Variants in MEGF8 observed in about 807,000 individuals in gnomAD.
MEGF8 encodes the protein multiple epidermal growth factor-like domains protein 8.
MEGF8 carries 156 observed loss-of-function variants against 302.9 expected under a neutral mutation model. That is an observed-to-expected ratio of 0.52 (90% CI 0.45 to 0.59). The LOEUF (loss-of-function observed/expected upper bound fraction) is 0.59, where lower values mean the gene tolerates loss of function less well. Ranked by LOEUF, MEGF8 falls within the 20% of genes least tolerant of loss-of-function variation. The probability of loss-of-function intolerance (pLI) is 0.00; values close to 1 mark genes in which losing one functional copy is unlikely to be tolerated. For synonymous variants in MEGF8, 1,621 were observed against 1,660.5 expected, an observed-to-expected ratio of 0.98 and a Z score of 0.58; for missense variants, 3,345 against 3,964.5, an observed-to-expected ratio of 0.84 and a Z score of 4.20.
chr19:42,335,702 AT>A (rs1483046141), intron 5 of MEGF8, among the ~76,000 whole-genome samples: 1 of 151,580 alleles, frequency 6.6e-6, no homozygotes, highest in Non-Finnish European at 1.5e-5. Context: ...TCTCTCTGCC[AT>A]TTGTCCCTTT....
At position 42,362,390 on chromosome 19, in the gene MEGF8, A is replaced by C. The variant is rs1600065582; in HGVS notation, c.5851A>C (p.Thr1951Pro). 1.2e-6 allele frequency: 2 copies of C among 1,613,536 alleles called. No individual in the cohort carries two copies. The highest frequency in any genetic ancestry group is 1.7e-6 in the Non-Finnish European group (2 of 1,179,806). ...TLQPGDGEASTPRCKWCTNCP... is the reference protein window; with the variant it reads ...TLQPGDGEASPPRCKWCTNCP... Reference sequence around the variant, plus strand: ...GCCTGTCTTCCCTCACCAGGCGTCCACCCCCCGCTGTAAGTGGTGTACCAA... The same window carrying C: ...GCCTGTCTTCCCTCACCAGGCGTCCCCCCCCCGCTGTAAGTGGTGTACCAA... Residue 1951 changes from threonine (T) to proline (P), a missense_variant, in exon 34 of 42, where the codon ACC becomes CCC. Transcript: ENST00000251268.
rs190463769 is a variant in MEGF8, at chr19:42,371,071, C to T, written c.7136+240C>T. Among the ~76,000 whole-genome samples, 337 of 152,090 alleles carry T rather than the reference C, an allele frequency of 2.2e-3. 1 individual carries two copies. Among genetic ancestry groups the T allele is most frequent in the Non-Finnish European group, 3.5e-3 (235 of 67,944 alleles). On this transcript the variant is annotated intron_variant, in intron 40 of 41. Transcript: ENST00000251268. ...AGTGCAGTCCACAGAGCGGCCCCATCGAGAACAAGATGGGGCGGCTGAGGG... is the reference window on the plus strand; with the variant it reads ...AGTGCAGTCCACAGAGCGGCCCCATTGAGAACAAGATGGGGCGGCTGAGGG...
intron 1 of MEGF8, among the ~76,000 whole-genome samples, chr19:42,327,850 T>G (rs1203477551): frequency 6.6e-6 from 1 of 152,190 alleles, no homozygotes; most frequent in Non-Finnish European, 1.5e-5. Flanking sequence ...ATCCCAGCAC[T>G]TTGGGAGGCC....
chr19:42,348,345 G>A lies in MEGF8; in HGVS notation c.2171G>A (p.Gly724Asp). Residue 724 changes from glycine (G) to aspartate (D), a missense_variant, in exon 13 of 42, where the codon GGC becomes GAC. Coordinates refer to ENST00000251268, the MANE Select transcript of MEGF8 (RefSeq NM_001271938.2). ...ACAGATGTGTCCCTGGTCTACCGTG[G>A]CTTCATCTACCCAATGCTGCCTGGA... ...AETDVSLVYRGFIYPMLPGGP... is the reference protein window; with the variant it reads ...AETDVSLVYRDFIYPMLPGGP... 1 of 1,537,492 alleles carries A rather than the reference G, an allele frequency of 6.5e-7. No homozygotes were observed. Among genetic ancestry groups the A allele is most frequent in the Non-Finnish European group, 8.7e-7 (1 of 1,146,960 alleles).
chr19:42,326,339 G>A lies in MEGF8; in HGVS notation c.96G>A (p.Gly32=). The A allele has an allele frequency of 6.3e-7, 1 of 1,582,444 alleles. No individual in the cohort carries two copies. The highest frequency in any genetic ancestry group is 8.6e-7 in the Non-Finnish European group (1 of 1,168,256). ...GGGCCCGGGCGGGGGACTGCAAGGG[G>A]CAGCGGCAGGTGCTGCGGGAGGCGC... The part of the protein sequence containing the change: ...SPGARAGDCK[G]QRQVLREAPG... The change falls in exon 1 of 42, where the codon GGG becomes GGA. Residue 32 remains glycine (G), a synonymous_variant. Coordinates refer to ENST00000251268, the MANE Select transcript of MEGF8 (RefSeq NM_001271938.2).
Position 42,336,111 on chromosome 19 carries a change from C to CA in MEGF8, c.1010dup (p.His337GlnfsTer8). ...CTCGGGGCCCCCAGGCCTGGCAGGT[C>CA]ACGCGGCTGCCCTGGTGGATGATGT... is the stretch of plus-strand genomic sequence containing the variant. On this transcript the variant is annotated frameshift_variant, in exon 6 of 42. Transcript: ENST00000251268. LOFTEE classifies it high-confidence loss of function. This position sits in a 1 kb window ranked among gnomAD's most constrained non-coding sequence, Gnocchi z 4.8. 1 of 1,606,338 alleles carries CA rather than the reference C, an allele frequency of 6.2e-7. No individual in the cohort carries two copies. Among genetic ancestry groups the CA allele is most frequent in the Non-Finnish European group, 8.5e-7 (1 of 1,178,482 alleles).
rs569890011 is a variant in MEGF8, at chr19:42,376,388, G to A, written c.8151G>A (p.Pro2717=). The A allele has an allele frequency of 8.0e-5, 129 of 1,613,072 alleles. No individual in the cohort carries two copies. Among genetic ancestry groups the A allele is most frequent in the South Asian group, 7.0e-4 (64 of 91,074 alleles). ...CTGCCCCGGCCTCCGCCTGGAAGCCGGCTGGGCTCCCACCTCCCGCCTTCC... is the reference window on the plus strand; with the variant it reads ...CTGCCCCGGCCTCCGCCTGGAAGCCAGCTGGGCTCCCACCTCCCGCCTTCC... ...DPTAPASAWK[P]AGLPPPAFRR... Residue 2717 remains proline (P), a synonymous_variant, in exon 42 of 42, where the codon CCG becomes CCA. Transcript: ENST00000251268. The surrounding 1 kb of genome is among the most constrained non-coding windows in gnomAD (Gnocchi z 8.2).
rs149965041 is a variant in MEGF8, at chr19:42,375,840, C to G, written c.7603C>G (p.Pro2535Ala). 1.4e-5 allele frequency: 23 copies of G among 1,610,382 alleles called. No individual in the cohort carries two copies. The highest frequency in any genetic ancestry group is 8.9e-5 in the East Asian group (4 of 44,802). ...HIQPPPAPPP[P>A]PPPADGGPRG... ...CCAGCCACCCCCAGCCCCACCACCT[C>G]CACCACCCCCTGCAGATGGTGGGCC... Residue 2535 changes from proline (P) to alanine (A), a missense_variant, in exon 42 of 42, where the codon CCA becomes GCA. Physicochemically the swap from Pro to Ala is conservative, Grantham distance 27 (BLOSUM62 -1). Transcript: ENST00000251268. This position sits in a 1 kb window ranked among gnomAD's most constrained non-coding sequence, Gnocchi z 7.1.
rs200791026 is a variant in MEGF8 at position 42,356,422 on chromosome 19, C to T, written c.4591C>T (p.Leu1531=). 1 of 1,609,912 alleles carries T rather than the reference C, an allele frequency of 6.2e-7. No individual in the cohort carries two copies. The highest frequency in any genetic ancestry group is 2.2e-5 in the East Asian group (1 of 44,868). ...ATLWMFGGLG[L]PQGLLGNLYR... ...CTTGTGGATGTTTGGGGGCCTGGGC[C>T]TGCCCCAGGGGCTGCTGGGAAACCT... Residue 1531 remains leucine, a synonymous_variant, in exon 26 of 42, where the codon CTG becomes TTG. Coordinates refer to ENST00000251268, the MANE Select transcript of MEGF8 (RefSeq NM_001271938.2). The surrounding 1 kb of genome is among the most constrained non-coding windows in gnomAD (Gnocchi z 5.2).
chr19:42,356,185 C>T lies in MEGF8; in HGVS notation c.4495C>T (p.Leu1499Phe). ...LVWETLMDSRLSADTASRFLH... is the reference protein window; with the variant it reads ...LVWETLMDSRFSADTASRFLH... Reference sequence around the variant, plus strand: ...CTGGGAGACCCTCATGGACAGCCGCCTCTCAGCCGTGAGTTGTGGGTACCC... The same window carrying T: ...CTGGGAGACCCTCATGGACAGCCGCTTCTCAGCCGTGAGTTGTGGGTACCC... Residue 1499 changes from leucine to phenylalanine, a missense_variant, in exon 25 of 42, where the codon CTC becomes TTC. Transcript: ENST00000251268. The surrounding 1 kb of genome is among the most constrained non-coding windows in gnomAD (Gnocchi z 5.2). 6.5e-7 allele frequency: 1 copy of T among 1,530,898 alleles called. No homozygotes were observed. The highest frequency in any genetic ancestry group is 1.3e-5 in the South Asian group (1 of 79,856). 94.8% of individuals were successfully genotyped at this position (1,530,898 alleles called of 1,614,324 possible). A position where few individuals can be genotyped will look rare whatever the true frequency, so the allele number is the denominator to read the frequency against.
In MEGF8 at chr19:42,354,298, A is replaced by G. The variant is rs1219628540; in HGVS notation, c.4011+274A>G. ...CCCATTCCTAGAGCAGGAATGGTAA[A>G]TTGTTACACCTTGTACACCAACTCT... On this transcript the variant is annotated intron_variant, in intron 22 of 41. Coordinates refer to ENST00000251268, the MANE Select transcript of MEGF8 (RefSeq NM_001271938.2). This position sits in a 1 kb window ranked among gnomAD's most constrained non-coding sequence, Gnocchi z 4.3. Among the ~76,000 whole-genome samples the G allele has an allele frequency of 1.3e-5, 2 of 151,766 alleles. No homozygotes were observed.
In MEGF8 at chr19:42,337,097, C is replaced by T. The variant is rs772804384; in HGVS notation, c.1404C>T (p.His468=). 2 of 1,614,004 alleles carry T rather than the reference C, an allele frequency of 1.2e-6. No individual in the cohort carries two copies. Among genetic ancestry groups the T allele is most frequent in the Non-Finnish European group, 1.7e-6 (2 of 1,179,872 alleles). Residue 468 remains histidine, a synonymous_variant, in exon 8 of 42, where the codon CAC becomes CAT. Coordinates refer to ENST00000251268, the MANE Select transcript of MEGF8 (RefSeq NM_001271938.2). ...CTCCATTCCCAGGGGGCAATGTGCACACCCATTACCAGGAGGAAAAGTGCT... is the reference window on the plus strand; with the variant it reads ...CTCCATTCCCAGGGGGCAATGTGCATACCCATTACCAGGAGGAAAAGTGCT... The part of the protein sequence containing the change: ...NYMVVYGGNV[H]THYQEEKCYE...
Position 42,354,696 on chromosome 19 carries a change from C to T in MEGF8, c.4120C>T (p.Pro1374Ser), listed in dbSNP as rs1422960899. ...CTTCTGCGGCCAGCGACGGGACAGGCCCCTCACTGTTCAGGCCCTGTCTGG... is the reference window on the plus strand; with the variant it reads ...CTTCTGCGGCCAGCGACGGGACAGGTCCCTCACTGTTCAGGCCCTGTCTGG... ...AAFCGQRRDR[P>S]LTVQALSGLL... The change falls in exon 23 of 42, where the codon CCC (proline) becomes TCC (serine). Residue 1374 changes from proline to serine, a missense_variant. Pro to Ser is a moderately conservative substitution (Grantham distance 74). Coordinates refer to ENST00000251268, the MANE Select transcript of MEGF8 (RefSeq NM_001271938.2). The surrounding 1 kb of genome is among the most constrained non-coding windows in gnomAD (Gnocchi z 4.3). 6.2e-7 allele frequency: 1 copy of T among 1,608,464 alleles called. No individual in the cohort carries two copies. Among genetic ancestry groups the T allele is most frequent in the South Asian group, 1.1e-5 (1 of 91,038 alleles).
intron 35 of MEGF8, among the ~76,000 whole-genome samples, chr19:42,364,553 G>T (rs942558730): frequency 2.0e-5 from 3 of 152,204 alleles, no homozygotes; most frequent in Admixed American, 2.0e-4. Context: ...ACAGCACTTC[G>T]TGGAAATTCG....
chr19:42,362,444 A>G lies in MEGF8; in HGVS notation c.5905A>G (p.Asn1969Asp), dbSNP rs1399250960. 12 of 1,613,872 alleles carry G rather than the reference A, an allele frequency of 7.4e-6. No individual in the cohort carries two copies. The African/African-American group carries it at 9.3e-5, about 13-fold the overall frequency. Residue 1969 changes from asparagine (N) to aspartate (D), a missense_variant, in exon 34 of 42, where the codon AAT becomes GAT. By Grantham distance (23) the Asn-to-Asp change is conservative. Transcript: ENST00000251268. Reference sequence around the variant, plus strand: ...CCCCGAAGGTGCTTGCATTGGACGCAATGGGTCCTGCACCTCTGAGAATGA... The same window carrying G: ...CCCCGAAGGTGCTTGCATTGGACGCGATGGGTCCTGCACCTCTGAGAATGA... The part of the protein sequence containing the change: ...NCPEGACIGR[N>D]GSCTSENDCR...
At position 42,376,670 on chromosome 19, in the gene MEGF8, C is replaced by T. The variant is rs371191311; in HGVS notation, c.8433C>T (p.His2811=). ...SALVTLRHRL[H]EYCGGGGGAG... The stretch of plus-strand genomic sequence containing the variant: ...TCGTCACACTGCGGCACAGGCTGCA[C>T]GAGTACTGTGGGGGTGGTGGGGGTG... Residue 2811 remains histidine, a synonymous_variant, in exon 42 of 42, where the codon CAC becomes CAT. Coordinates refer to ENST00000251268, the MANE Select transcript of MEGF8 (RefSeq NM_001271938.2). The surrounding 1 kb of genome is among the most constrained non-coding windows in gnomAD (Gnocchi z 8.2). 1.1e-3 allele frequency: 1,708 copies of T among 1,529,848 alleles called. No homozygotes were observed. The highest frequency in any genetic ancestry group is 1.4e-3 in the Non-Finnish European group (1,617 of 1,138,782). The allele number at this position is 1,529,848 out of a possible 1,614,324, so 94.8% of individuals were successfully genotyped here. A position where few individuals can be genotyped will look rare whatever the true frequency, so the allele number is the denominator to read the frequency against.
At position 42,362,534 on chromosome 19, in the gene MEGF8, G is replaced by A. The variant is rs1462549768; in HGVS notation, c.5995G>A (p.Ala1999Thr). ...GNCSEAACGAADCEQCTREGK... is the reference protein window; with the variant it reads ...GNCSEAACGATDCEQCTREGK... Reference sequence around the variant, plus strand: ...CTGCTCCGAGGCTGCGTGCGGGGCTGCTGACTGCGAGCAGTGCACGCGGGA... The same window carrying A: ...CTGCTCCGAGGCTGCGTGCGGGGCTACTGACTGCGAGCAGTGCACGCGGGA... The change falls in exon 34 of 42, where the codon GCT (alanine) becomes ACT (threonine). Residue 1999 changes from alanine to threonine, a missense_variant. Physicochemically the swap from Ala to Thr is moderately conservative, Grantham distance 58 (BLOSUM62 0). Coordinates refer to ENST00000251268, the MANE Select transcript of MEGF8 (RefSeq NM_001271938.2). The A allele has an allele frequency of 6.2e-7, 1 of 1,613,658 alleles. No homozygotes were observed. Among genetic ancestry groups the A allele is most frequent in the Non-Finnish European group, 8.5e-7 (1 of 1,179,896 alleles).
Position 42,334,046 on chromosome 19 carries a change from C to T in MEGF8, c.391C>T (p.Leu131=). 1 of 1,613,894 alleles carries T rather than the reference C, an allele frequency of 6.2e-7. No individual in the cohort carries two copies. The highest frequency in any genetic ancestry group is 8.5e-7 in the Non-Finnish European group (1 of 1,179,860). The change falls in exon 3 of 42, where the codon CTG becomes TTG. Residue 131 remains leucine (L), a synonymous_variant. Coordinates refer to ENST00000251268, the MANE Select transcript of MEGF8 (RefSeq NM_001271938.2). ...CTTCAGTGATGCCAACTACAACCTG[C>T]TGGGCTTTAACGCCTCATTCCGCTT... The part of the protein sequence containing the change: ...HLFSDANYNL[L]GFNASFRFSL...
At chr19:42,374,434 G>A (rs1030090741) in intron 41 of MEGF8, among the ~76,000 whole-genome samples, 4 of 144,814 alleles carry the variant, frequency 2.8e-5, no homozygotes, top group African/African-American at 7.8e-5. Flanking sequence ...TCACACCACT[G>A]CACTCCAGCC....
Sources: gnomAD v4.1 joint callset for allele counts (sites outside exome capture counted in the v4.1 genomes callset) on GRCh38, gnomAD v4.1.1 for gene constraint, Gnocchi (gnomAD v3.1) non-coding constraint, MANE v1.5 for transcripts, NCBI Gene and HGNC (gene_info 2026-07-23, HGNC 2026-07-21) for gene names.